The following SVOPL variants were observed in gnomAD, a reference collection of about 807,000 sequenced individuals.
SVOPL encodes putative transporter SVOPL.
In SVOPL, 60 loss-of-function variants were observed where a neutral mutation model predicts 61.0. That is an observed-to-expected ratio of 0.98 (90% CI 0.80 to 1.22). The LOEUF (loss-of-function observed/expected upper bound fraction) is 1.22, where lower values mean the gene tolerates loss of function less well. Among genes scored for constraint, SVOPL ranks in the 50% most tolerant of loss-of-function variants. SVOPL has a pLI of 0.00. For missense variants in SVOPL, 662 were observed against 643.9 expected (o/e 1.03, Z -0.30); for synonymous variants, 279 against 250.0 (o/e 1.12, Z -1.09).
intron 3 of SVOPL, among the ~76,000 whole-genome samples, chr7:138,673,285 C>G (rs1802476548): frequency 1.3e-5 from 2 of 152,126 alleles, no homozygotes; most frequent in Non-Finnish European, 2.9e-5. Context: ...CACAAGAGAG[C>G]ATTATAGTGG....
chr7:138,698,168 A>AGGAGAGGAAAAGAAG (rs1554383044), intron 1 of SVOPL, among the ~76,000 whole-genome samples: 1 of 149,998 alleles, frequency 6.7e-6, no homozygotes, highest in Non-Finnish European at 1.5e-5. Flanking sequence ...GAGGGAAAGA[A>AGGAGAGGAAAAGAAG]GGAGGGGGAA....
intron 1 of SVOPL, among the ~76,000 whole-genome samples, chr7:138,682,546 A>T (rs1336832785): frequency 6.6e-6 from 1 of 152,236 alleles, no homozygotes; most frequent in East Asian, 1.9e-4. Context: ...TTTCTTCATT[A>T]AATAAATGGC....
chr7:138,615,045 G>A (rs1381368559), intron 14 of SVOPL, among the ~76,000 whole-genome samples: 2 of 152,118 alleles, frequency 1.3e-5, no homozygotes, highest in Non-Finnish European at 2.9e-5. Flanking sequence ...CCAAAGCCAT[G>A]GACATGCTGA....
At chr7:138,622,228 ATCTATGTAT>A in intron 13 of SVOPL, among the ~76,000 whole-genome samples, 2 of 129,398 alleles carry the variant, frequency 1.5e-5, no homozygotes, top group East Asian at 2.4e-4. Flanking sequence ...CTATGTATCT[ATCTATGTAT>A]CTATCTATCT....
chr7:138,594,971 G>T (rs1798221842), intron 15 of SVOPL, among the ~76,000 whole-genome samples: 1 of 150,998 alleles, frequency 6.6e-6, no homozygotes, highest in African/African-American at 2.4e-5. Flanking sequence ...GGCCATGCTG[G>T]TCTCAAACTC....
intron 5 of SVOPL, 98 bp downstream of exon 5, chr7:138,662,976 T>C (rs2117084976): frequency 6.4e-7 from 1 of 1,574,538 alleles, no homozygotes; most frequent in Non-Finnish European, 8.6e-7. Flanking sequence ...TCTTGGGTAT[T>C]GGGAGGGAGA....
At chr7:138,640,214 T>C (rs987890100) in intron 9 of SVOPL, among the ~76,000 whole-genome samples, 12 of 35,036 alleles carry the variant, frequency 3.4e-4, no homozygotes, top group Non-Finnish European at 6.4e-4. Context: ...CAATGATTTT[T>C]TTTTAACTTT....
intron 13 of SVOPL, among the ~76,000 whole-genome samples, chr7:138,622,122 GTATCTATCTA>G (rs1799649289): frequency 3.8e-5 from 1 of 26,428 alleles, no homozygotes; most frequent in Non-Finnish European, 8.0e-5. Context: ...ATCTATCTAT[GTATCTATCTA>G]TCTATGTATC....
In SVOPL at chr7:138,671,884, G is replaced by A. The variant is rs547188201; in HGVS notation, c.273+135C>T. 5.7e-6 allele frequency: 4 copies of A among 704,746 alleles called. No individual in the cohort carries two copies. The East Asian group carries it at 8.2e-5, about 14-fold the overall frequency. 43.7% of individuals were successfully genotyped at this position (704,746 alleles called of 1,614,324 possible). On this transcript the variant is annotated intron_variant, in intron 4 of 15. Coordinates refer to ENST00000674285, the MANE Select transcript of SVOPL (RefSeq NM_001139456.2). Reference sequence around the variant, plus strand: ...GAAAAAGGTGACGAAGACATCAAATGCTGCAAACCCTTGAGTTTTGGAAGC... The same window carrying A: ...GAAAAAGGTGACGAAGACATCAAATACTGCAAACCCTTGAGTTTTGGAAGC...
At chr7:138,664,237 G>A in intron 4 of SVOPL, 1 of 964,206 alleles carries the variant, frequency 1.0e-6, no homozygotes, top group Non-Finnish European at 1.2e-6. Flanking sequence ...TCCCTCGCGC[G>A]CCCCACCTAG....
At chr7:138,654,227 T>C (rs1248310388) in intron 7 of SVOPL, among the ~76,000 whole-genome samples, 1 of 151,948 alleles carries the variant, frequency 6.6e-6, no homozygotes, top group African/African-American at 2.4e-5. Context: ...AGAGTGACTA[T>C]AGTTAATATT....
intron 5 of SVOPL, 129 bp from the exon 6 acceptor site, chr7:138,660,117 G>A: frequency 6.8e-7 from 1 of 1,462,206 alleles, no homozygotes; most frequent in Non-Finnish European, 9.1e-7. Flanking sequence ...CCTGTAGCAA[G>A]CCCACTGGTC....
At chr7:138,661,415 C>G (rs1177164208) in intron 5 of SVOPL, 8 of 984,892 alleles carry the variant, frequency 8.1e-6, no homozygotes, top group Non-Finnish European at 9.6e-6. Flanking sequence ...CGGCTCAGAA[C>G]AGTCTGAGGA....
intron 9 of SVOPL, among the ~76,000 whole-genome samples, chr7:138,642,908 A>G (rs567989401): frequency 6.6e-6 from 1 of 151,884 alleles, no homozygotes; most frequent in Non-Finnish European, 1.5e-5. Flanking sequence ...AATCAAAAGT[A>G]TAAACAAAAG....
At chr7:138,678,155 C>T (rs1802614296) in intron 3 of SVOPL, among the ~76,000 whole-genome samples, 1 of 152,150 alleles carries the variant, frequency 6.6e-6, no homozygotes, top group African/African-American at 2.4e-5. Flanking sequence ...AAAATGTTTA[C>T]ATTTACCTAT....
At chr7:138,650,536 G>A (rs913469443) in intron 7 of SVOPL, among the ~76,000 whole-genome samples, 12 of 151,172 alleles carry the variant, frequency 7.9e-5, no homozygotes, top group Non-Finnish European at 1.6e-4. Flanking sequence ...TGGGGCCAGT[G>A]CGGTGGCTCA....
intron 14 of SVOPL, among the ~76,000 whole-genome samples, chr7:138,604,312 TACA>T (rs765003979): frequency 2.6e-5 from 4 of 152,182 alleles, no homozygotes; most frequent in Non-Finnish European, 5.9e-5. Flanking sequence ...TATGAAGCTT[TACA>T]ACAAGCATAT....
chr7:138,616,307 T>C (rs1201643997), intron 14 of SVOPL, among the ~76,000 whole-genome samples: 5 of 151,634 alleles, frequency 3.3e-5, no homozygotes, highest in Non-Finnish European at 7.4e-5. Context: ...GGCCTTGCAC[T>C]GGTCCCTTCT....
intron 3 of SVOPL, among the ~76,000 whole-genome samples, chr7:138,678,037 A>C (rs1802612053): frequency 6.6e-6 from 1 of 152,114 alleles, no homozygotes; most frequent in Non-Finnish European, 1.5e-5. Flanking sequence ...AAGTGCTGGG[A>C]TTGCAGGTGT....
Sources: gnomAD v4.1 joint callset for allele counts (sites outside exome capture counted in the v4.1 genomes callset) on GRCh38, gnomAD v4.1.1 for gene constraint, MANE v1.5 for transcripts, NCBI Gene and HGNC (gene_info 2026-07-23, HGNC 2026-07-21) for gene names.